The following PRKCH variants were observed in gnomAD, a reference collection of about 807,000 sequenced individuals.
PRKCH encodes protein kinase C eta.
Under a neutral mutation model 82.5 loss-of-function variants are expected in PRKCH, and 28 were observed. The ratio of observed to expected loss-of-function variants is 0.34; its 90% confidence interval spans 0.25 to 0.47. The LOEUF is 0.47. Ranked by LOEUF, PRKCH falls within the 20% of genes least tolerant of loss-of-function variation. The pLI is 1.00. For synonymous variants in PRKCH, 322 were observed against 327.4 expected (o/e 0.98, Z 0.18); for missense variants, 705 against 881.8 (o/e 0.80, Z 2.54).
At chr14:61,243,651 CAG>C (rs145253770) in intron 1 of PRKCH, among the ~76,000 whole-genome samples, 6,169 of 152,050 alleles carry the variant, frequency 0.041, 191 homozygotes, top group Middle Eastern at 0.088. Context: ...AGGTTTTAAA[CAG>C]AATATAGTAA....
At chr14:61,379,331 T>C (rs1173626588) in intron 1 of PRKCH, among the ~76,000 whole-genome samples, 3 of 152,190 alleles carry the variant, frequency 2.0e-5, no homozygotes, top group Non-Finnish European at 4.4e-5. Context: ...AAAGGTGTTA[T>C]CATAGAATAA....
At chr14:61,365,356 TATA>T (rs1340810979) in intron 1 of PRKCH, among the ~76,000 whole-genome samples, 1 of 152,138 alleles carries the variant, frequency 6.6e-6, no homozygotes, top group Non-Finnish European at 1.5e-5. Flanking sequence ...GAATATAACT[TATA>T]ATAATACTTT....
chr14:61,426,448 G>A (rs1171699077), intron 2 of PRKCH, among the ~76,000 whole-genome samples: 6 of 152,332 alleles, frequency 3.9e-5, no homozygotes, highest in Non-Finnish European at 7.3e-5. Context: ...TGTCATTGCT[G>A]AAGTAAGACT....
chr14:61,487,606 A>G (rs1886281916), intron 10 of PRKCH, among the ~76,000 whole-genome samples: 1 of 152,102 alleles, frequency 6.6e-6, no homozygotes, highest in African/African-American at 2.4e-5. Context: ...AGACGTTTCC[A>G]CATGTAGTTT....
chr14:61,452,740 T>G (rs1048308202), intron 6 of PRKCH: 11 of 163,830 alleles, frequency 6.7e-5, no homozygotes, highest in Middle Eastern at 3.0e-3. Context: ...AAGCTGCAGA[T>G]AGAGGTTTTT....
chr14:61,532,940 A>G (rs1307908191), intron 12 of PRKCH, among the ~76,000 whole-genome samples: 1 of 152,190 alleles, frequency 6.6e-6, no homozygotes, highest in African/African-American at 2.4e-5. Flanking sequence ...CGATTGTTAC[A>G]TATCATGCGT....
At chr14:61,311,354 C>A (rs889768972) in intron 1 of PRKCH, among the ~76,000 whole-genome samples, 8 of 152,176 alleles carry the variant, frequency 5.3e-5, no homozygotes, top group African/African-American at 1.9e-4. Context: ...AGGCAAAATG[C>A]CATCTGTCTC....
chr14:61,524,776 C>T (rs1168158412), intron 10 of PRKCH, among the ~76,000 whole-genome samples: 2 of 152,208 alleles, frequency 1.3e-5, no homozygotes, highest in East Asian at 3.8e-4. Context: ...AAGTGTTCTG[C>T]TTGGTCCTCG....
intron 1 of PRKCH, among the ~76,000 whole-genome samples, chr14:61,217,665 C>T (rs2044625072): frequency 6.6e-6 from 1 of 152,124 alleles, no homozygotes; most frequent in African/African-American, 2.4e-5. Flanking sequence ...GCCACCAGAA[C>T]CTTCCTGATG....
Position 61,322,107 on chromosome 14 carries a change from G to T in PRKCH, c.6G>T (p.Ser2=), listed in dbSNP as rs761952246. The stretch of plus-strand genomic sequence containing the variant: ...GCCGGGGCAGCGGCGCCGGCATGTC[G>T]TCTGGCACCATGAAGTTCAATGGCT... M[S]SGTMKFNGYL... The change falls in exon 1 of 14, where the codon TCG becomes TCT. Residue 2 remains serine (S), a synonymous_variant. Coordinates refer to ENST00000332981, the MANE Select transcript of PRKCH (RefSeq NM_006255.5). 2.6e-5 allele frequency: 40 copies of T among 1,560,110 alleles called. No individual in the cohort carries two copies. The highest frequency in any genetic ancestry group is 3.0e-5 in the Non-Finnish European group (35 of 1,149,474).
At chr14:61,497,255 G>A (rs1948693506) in intron 10 of PRKCH, among the ~76,000 whole-genome samples, 1 of 152,118 alleles carries the variant, frequency 6.6e-6, no homozygotes. Context: ...GTGGGATCTT[G>A]ATCAGGTTAC....
rs2045249857 is a variant in PRKCH at position 61,280,555 on chromosome 14, C to T, written c.-19+92887C>T. On this transcript the variant is annotated intron_variant, in intron 1 of 3. Coordinates refer to the PRKCH transcript ENST00000555185. The surrounding 1 kb of genome is among the most constrained non-coding windows in gnomAD (Gnocchi z 5.0). Reference sequence around the variant, plus strand: ...GAACTTGACGTGGTAGTCGGTCCACCAGGCGATGCCGGAGCGGTCGAGCGG... The same window carrying T: ...GAACTTGACGTGGTAGTCGGTCCACTAGGCGATGCCGGAGCGGTCGAGCGG... 8 of 1,610,188 alleles carry T rather than the reference C, an allele frequency of 5.0e-6. No homozygotes were observed. The highest frequency in any genetic ancestry group is 1.7e-5 in the Admixed American group (1 of 59,544).
chr14:61,443,896 G>T (rs962974787), intron 3 of PRKCH, among the ~76,000 whole-genome samples: 1 of 152,200 alleles, frequency 6.6e-6, no homozygotes, highest in Non-Finnish European at 1.5e-5. Context: ...GTTATCTTTA[G>T]TGATAAATTA....
intron 1 of PRKCH, among the ~76,000 whole-genome samples, chr14:61,282,270 C>CTTTTTTTTTTTTTT (rs10719485): frequency 7.7e-6 from 1 of 129,350 alleles, no homozygotes. Context: ...GGGATTCTGG[C>CTTTTTTTTTTTTTT]TTTTTTTTTT....
intron 1 of PRKCH, among the ~76,000 whole-genome samples, chr14:61,206,615 C>A (rs982834913): frequency 2.0e-5 from 3 of 152,156 alleles, no homozygotes; most frequent in Non-Finnish European, 4.4e-5. Context: ...CCATGTCTTT[C>A]CATCCAACAA....
At chr14:61,308,576 T>C (rs1019208334) in intron 1 of PRKCH, among the ~76,000 whole-genome samples, 5 of 152,222 alleles carry the variant, frequency 3.3e-5, no homozygotes, top group Admixed American at 6.5e-5. Context: ...TCTTGCTACT[T>C]GTGTTATTTT....
intron 1 of PRKCH, among the ~76,000 whole-genome samples, chr14:61,381,273 AGGGTAAAG>A (rs906533247): frequency 6.6e-6 from 1 of 152,188 alleles, no homozygotes; most frequent in African/African-American, 2.4e-5. Flanking sequence ...CGGATTGAGC[AGGGTAAAG>A]GGTGGACCAG....
intron 10 of PRKCH, among the ~76,000 whole-genome samples, chr14:61,514,568 G>T (rs897453064): frequency 4.6e-5 from 7 of 152,008 alleles, no homozygotes; most frequent in Non-Finnish European, 8.8e-5. Flanking sequence ...TCCCAGATGG[G>T]TCCCAGGGTC....
chr14:61,197,433 G>A (rs1371946793), intron 1 of PRKCH, among the ~76,000 whole-genome samples: 1 of 152,170 alleles, frequency 6.6e-6, no homozygotes, highest in Non-Finnish European at 1.5e-5. Flanking sequence ...GTCCAAGGTT[G>A]AGGAGCCATG....
Sources: allele counts gnomAD v4.1 joint callset (sites outside exome capture counted in the v4.1 genomes callset), GRCh38; gene constraint gnomAD v4.1.1; non-coding constraint Gnocchi (gnomAD v3.1); transcripts MANE v1.5; gene names NCBI Gene and HGNC (gene_info 2026-07-23, HGNC 2026-07-21).